Variants in GRID1 observed in about 807,000 individuals in gnomAD.
GRID1 encodes the protein glutamate receptor ionotropic, delta-1.
A neutral mutation model predicts 98.0 loss-of-function variants in GRID1; 28 were observed. That is an observed-to-expected ratio of 0.29 (90% CI 0.21 to 0.39). The LOEUF is 0.39. GRID1 is among the 10% of genes least tolerant of loss of function. The probability of loss-of-function intolerance (pLI) is 1.00; values close to 1 mark genes in which losing one functional copy is unlikely to be tolerated. For synonymous variants in GRID1, 553 were observed against 538.5 expected, an observed-to-expected ratio of 1.03 and a Z score of -0.37; for missense variants, 1,111 against 1,340.5, an observed-to-expected ratio of 0.83 and a Z score of 2.67.
chr10:86,357,112 C>T (rs904787325), intron 2 of GRID1, among the ~76,000 whole-genome samples: 1 of 152,206 alleles, frequency 6.6e-6, no homozygotes, highest in Admixed American at 6.5e-5. Context: ...ACAAAAGGGG[C>T]CACCTCATCC....
intron 12 of GRID1, among the ~76,000 whole-genome samples, chr10:85,683,856 G>A (rs1171322638): frequency 6.6e-6 from 1 of 151,832 alleles, no homozygotes; most frequent in African/African-American, 2.4e-5. Flanking sequence ...GACAATGAAG[G>A]TTTTCCCTGT....
chr10:86,217,502 C>A (rs1256148123), intron 2 of GRID1, among the ~76,000 whole-genome samples: 1 of 152,182 alleles, frequency 6.6e-6, no homozygotes, highest in African/African-American at 2.4e-5. Context: ...AGTGGAGGAG[C>A]TTGGGGCCAA....
chr10:85,715,909 T>C (rs1036775540), intron 12 of GRID1, among the ~76,000 whole-genome samples: 1 of 150,908 alleles, frequency 6.6e-6, no homozygotes, highest in African/African-American at 2.4e-5. Context: ...AACTAACCTT[T>C]TTTTTTTTTT....
chr10:86,264,906 G>A (rs1847080881), intron 2 of GRID1: 1 of 383,556 alleles, frequency 2.6e-6, no homozygotes, highest in Non-Finnish European at 5.3e-6. Flanking sequence ...AGAGGAGAAG[G>A]GCTACTCCCC....
At position 85,840,344 on chromosome 10, in the gene GRID1, A is replaced by G. The variant is rs112332564; in HGVS notation, c.1233+14152T>C. Among the ~76,000 whole-genome samples, 1,322 of 152,126 alleles carry G rather than the reference A, an allele frequency of 8.7e-3. 12 individuals are homozygous for G. Among genetic ancestry groups the G allele is most frequent in the African/African-American group, 0.03 (1,244 of 41,538 alleles). On this transcript the variant is annotated intron_variant, in intron 8 of 15. Coordinates refer to ENST00000327946, the MANE Select transcript of GRID1 (RefSeq NM_017551.3). ...ACCAATATCCTTGAACCTCAAAATA[A>G]TAAGAGCCATATGTAAAAAACCCAC... is the stretch of plus-strand genomic sequence containing the variant.
chr10:85,794,029 C>T (rs1043445829), intron 8 of GRID1, among the ~76,000 whole-genome samples: 5 of 152,202 alleles, frequency 3.3e-5, no homozygotes, highest in African/African-American at 1.2e-4. Flanking sequence ...ATTTCCCATA[C>T]TTAGTTCTCT....
At chr10:86,178,970 AC>A (rs1411044484) in intron 3 of GRID1, among the ~76,000 whole-genome samples, 2 of 152,062 alleles carry the variant, frequency 1.3e-5, no homozygotes, top group East Asian at 3.9e-4. Flanking sequence ...CCCCAGCTGC[AC>A]ACTCCTGGGG....
intron 8 of GRID1, among the ~76,000 whole-genome samples, chr10:85,805,684 T>C (rs1403929622): frequency 6.6e-6 from 1 of 151,886 alleles, no homozygotes; most frequent in Non-Finnish European, 1.5e-5. Flanking sequence ...GATCCACATA[T>C]ACATGCTGAA....
At chr10:86,069,315 C>T (rs959151639) in intron 4 of GRID1, among the ~76,000 whole-genome samples, 1 of 152,168 alleles carries the variant, frequency 6.6e-6, no homozygotes, top group African/African-American at 2.4e-5. Context: ...GATGGAGCTG[C>T]TCCAGACCAG....
chr10:85,980,542 C>T (rs139804479), intron 4 of GRID1, among the ~76,000 whole-genome samples: 2 of 152,338 alleles, frequency 1.3e-5, no homozygotes, highest in African/African-American at 4.8e-5. Context: ...GGGACAGATC[C>T]AAGTCCTCCT....
At chr10:85,723,991 AT>A (rs913685011) in intron 11 of GRID1, among the ~76,000 whole-genome samples, 27 of 152,172 alleles carry the variant, frequency 1.8e-4, no homozygotes, top group Non-Finnish European at 2.5e-4. Context: ...TACAATTGGG[AT>A]TTTTTTTCCC....
chr10:86,187,102 A>G (rs763923280), intron 3 of GRID1, among the ~76,000 whole-genome samples: 13 of 152,322 alleles, frequency 8.5e-5, no homozygotes, highest in Non-Finnish European at 1.6e-4. Context: ...ACAGAGATCC[A>G]GGTGGGTTGT....
At chr10:85,617,642 C>G (rs1266781115) in intron 14 of GRID1, among the ~76,000 whole-genome samples, 1 of 152,218 alleles carries the variant, frequency 6.6e-6, no homozygotes, top group Admixed American at 6.5e-5. Context: ...GATGAGGAAA[C>G]TGTGGGAAGC....
At chr10:85,856,301 C>G in intron 6 of GRID1, 111 bp from the exon 7 acceptor site, 1 of 934,878 alleles carries the variant, frequency 1.1e-6, no homozygotes, top group Non-Finnish European at 1.7e-6. Flanking sequence ...AGCTGTGGTG[C>G]CCAGTATCTA....
chr10:86,086,963 AC>A (rs1564670877), intron 4 of GRID1, among the ~76,000 whole-genome samples: 1 of 152,236 alleles, frequency 6.6e-6, no homozygotes, highest in Non-Finnish European at 1.5e-5. Flanking sequence ...AGCTGTACAT[AC>A]ATGCACTGTC....
chr10:85,860,084 C>A (rs1302177132), intron 6 of GRID1, among the ~76,000 whole-genome samples: 1 of 152,142 alleles, frequency 6.6e-6, no homozygotes, highest in Non-Finnish European at 1.5e-5. Flanking sequence ...CGTCATTGAC[C>A]ACCAGGGGCC....
At chr10:86,289,533 T>C (rs1847482769) in intron 2 of GRID1, among the ~76,000 whole-genome samples, 1 of 151,732 alleles carries the variant, frequency 6.6e-6, no homozygotes, top group African/African-American at 2.4e-5. Context: ...AACTGCCCCG[T>C]GCCACTCTCC....
intron 4 of GRID1, among the ~76,000 whole-genome samples, chr10:86,090,264 C>CA (rs761084127): frequency 0.039 from 4,815 of 124,286 alleles, 228 homozygotes; most frequent in African/African-American, 0.12. Flanking sequence ...CTAAAAATGC[C>CA]AAAAAAAAAA....
rs1025992257 is a variant in GRID1, at chr10:85,818,090, G to T, written c.1233+36406C>A. ...GTTCTCACATGCATGCTGATTAGCA[G>T]TTCTGATACTCCATGTATCCAAAGG... is the stretch of plus-strand genomic sequence containing the variant. On this transcript the variant is annotated intron_variant, in intron 8 of 15. Coordinates refer to ENST00000327946, the MANE Select transcript of GRID1 (RefSeq NM_017551.3). Among the ~76,000 whole-genome samples, 6 of 152,280 alleles carry T rather than the reference G, an allele frequency of 3.9e-5. No homozygotes were observed. In the South Asian group the frequency reaches 1.2e-3, roughly 32 times the overall value.
Sources: gnomAD v4.1 joint callset for allele counts (sites outside exome capture counted in the v4.1 genomes callset) on GRCh38, gnomAD v4.1.1 for gene constraint, MANE v1.5 for transcripts, NCBI Gene and HGNC (gene_info 2026-07-23, HGNC 2026-07-21) for gene names.